Variants in HDAC9 observed in about 807,000 individuals in gnomAD.
HDAC9 encodes the protein MEF-2 interacting transcription repressor (MITR) protein.
HDAC9 carries 41 observed loss-of-function variants against 139.4 expected under a neutral mutation model. The ratio of observed to expected loss-of-function variants is 0.29; its 90% CI spans 0.23 to 0.38. The LOEUF (loss-of-function observed/expected upper bound fraction) is 0.38. HDAC9 is among the 10% of genes least tolerant of loss of function. HDAC9 has a pLI of 1.00. For missense variants in HDAC9, 1,147 were observed against 1,297.0 expected, an observed-to-expected ratio of 0.88 and a Z score of 1.78; for synonymous variants, 517 against 476.2, an observed-to-expected ratio of 1.09 and a Z score of -1.12.
chr7:18,732,359 C>G (rs1437956111), intron 13 of HDAC9, among the ~76,000 whole-genome samples: 1 of 151,952 alleles, frequency 6.6e-6, no homozygotes, highest in Non-Finnish European at 1.5e-5. Context: ...ACTTTTTACT[C>G]TATAAGCTTC....
chr7:18,360,185 C>G (rs1783664755), intron 1 of HDAC9, among the ~76,000 whole-genome samples: 1 of 152,192 alleles, frequency 6.6e-6, no homozygotes, highest in Non-Finnish European at 1.5e-5. Context: ...ACCTCTTATC[C>G]TATGTATATT....
intron 1 of HDAC9, among the ~76,000 whole-genome samples, chr7:18,321,171 T>G (rs1379151006): frequency 6.6e-6 from 1 of 152,110 alleles, no homozygotes; most frequent in Non-Finnish European, 1.5e-5. Context: ...CTGGCTTGAG[T>G]CCACCTAGTG....
At chr7:18,191,702 AT>A (rs1298832522) in intron 2 of HDAC9, among the ~76,000 whole-genome samples, 1 of 152,152 alleles carries the variant, frequency 6.6e-6, no homozygotes, top group African/African-American at 2.4e-5. Flanking sequence ...AATGAATTTA[AT>A]TTTTTTGACA....
chr7:18,404,662 A>C (rs2128737848), intron 1 of HDAC9, among the ~76,000 whole-genome samples: 1 of 152,340 alleles, frequency 6.6e-6, no homozygotes, highest in African/African-American at 2.4e-5. Flanking sequence ...AGGTCTTGGA[A>C]ACTGCAACTT....
At chr7:18,296,125 A>G (rs1310653919) in intron 1 of HDAC9, among the ~76,000 whole-genome samples, 1 of 152,184 alleles carries the variant, frequency 6.6e-6, no homozygotes, top group African/African-American at 2.4e-5. Flanking sequence ...ACGTGAATAA[A>G]TAAAAGTATT....
chr7:18,143,350 G>A (rs1362701502), intron 1 of HDAC9, among the ~76,000 whole-genome samples: 4 of 152,214 alleles, frequency 2.6e-5, no homozygotes, highest in East Asian at 3.9e-4. Context: ...AGCTCTATGC[G>A]TATGATGCTT....
chr7:18,624,265 G>A (rs931024738), intron 6 of HDAC9, among the ~76,000 whole-genome samples: 1 of 152,058 alleles, frequency 6.6e-6, no homozygotes, highest in African/African-American at 2.4e-5. Flanking sequence ...ATGAAGATTT[G>A]AAATACCTTT....
chr7:18,666,564 A>G (rs1442681512), intron 12 of HDAC9, 88 bp downstream of exon 12: 1 of 1,524,170 alleles, frequency 6.6e-7, no homozygotes, highest in African/African-American at 1.4e-5. Context: ...AATGGATATG[A>G]TTTCCTATCA....
intron 2 of HDAC9, among the ~76,000 whole-genome samples, chr7:18,548,401 A>C (rs766333132): frequency 1.3e-5 from 2 of 152,234 alleles, no homozygotes; most frequent in African/African-American, 2.4e-5. Flanking sequence ...TGCTGCTGGA[A>C]AAATGACACT....
chr7:18,443,130 A>C (rs556834534), intron 1 of HDAC9, among the ~76,000 whole-genome samples: 6 of 152,328 alleles, frequency 3.9e-5, no homozygotes, highest in Admixed American at 2.6e-4. Context: ...AGTAATCATA[A>C]ACTAGCCAGG....
chr7:18,158,088 T>G (rs188329923), intron 1 of HDAC9, among the ~76,000 whole-genome samples: 2 of 152,300 alleles, frequency 1.3e-5, no homozygotes, highest in East Asian at 3.9e-4. Flanking sequence ...TATATCAGAT[T>G]TAAATAGACA....
At chr7:18,484,072 C>T (rs1227885506) in intron 1 of HDAC9, among the ~76,000 whole-genome samples, 3 of 150,368 alleles carry the variant, frequency 2.0e-5, no homozygotes, top group Admixed American at 1.3e-4. Context: ...TGGGGCTGGG[C>T]ATGGTGGCCA....
intron 2 of HDAC9, among the ~76,000 whole-genome samples, chr7:18,497,659 A>T (rs1225464007): frequency 6.6e-6 from 1 of 152,122 alleles, no homozygotes; most frequent in East Asian, 1.9e-4. Context: ...GGGCTCCGGG[A>T]GGGTTTAACA....
intron 24 of HDAC9, among the ~76,000 whole-genome samples, chr7:18,961,721 C>T (rs1290468308): frequency 1.3e-5 from 2 of 152,160 alleles, no homozygotes; most frequent in Admixed American, 6.5e-5. Flanking sequence ...CTTCTCTACC[C>T]TGTAAAGTAG....
rs111880644 is a variant in HDAC9 at position 18,683,604 on chromosome 7, T to C, written c.1731+17128T>C. On this transcript the variant is annotated intron_variant, in intron 12 of 25. Transcript: ENST00000686413. The stretch of plus-strand genomic sequence containing the variant: ...TTGAGGAACAGCTTCCGCTGATAAT[T>C]GTAATAGTTTATTTTTTGTTTGTTT... Among the ~76,000 whole-genome samples, 605 of 152,250 alleles carry C rather than the reference T, an allele frequency of 4.0e-3. 3 individuals carry two copies. The highest frequency in any genetic ancestry group is 5.7e-3 in the Non-Finnish European group (390 of 67,994).
intron 1 of HDAC9, among the ~76,000 whole-genome samples, chr7:18,139,994 C>A (rs1365514646): frequency 6.6e-6 from 1 of 152,120 alleles, no homozygotes; most frequent in East Asian, 1.9e-4. Flanking sequence ...TTCTGTTGTT[C>A]TGTGGCACAA....
chr7:18,344,997 T>C (rs1782291306), intron 1 of HDAC9, among the ~76,000 whole-genome samples: 1 of 152,038 alleles, frequency 6.6e-6, no homozygotes. Flanking sequence ...TGGATGATCT[T>C]GGGCTCTCTA....
chr7:18,359,836 T>G (rs1437706917), intron 1 of HDAC9, among the ~76,000 whole-genome samples: 1 of 152,220 alleles, frequency 6.6e-6, no homozygotes, highest in African/African-American at 2.4e-5. Context: ...CTTGAACTCC[T>G]GACCTCAGGT....
rs1166057918 is a variant in HDAC9 at position 18,738,959 on chromosome 7, CT to C, written c.1910-10041del. On this transcript the variant is annotated intron_variant, in intron 13 of 25. Coordinates refer to ENST00000686413, the MANE Select transcript of HDAC9 (RefSeq NM_178425.4). Reference sequence around the variant, plus strand: ...TATTTCTTGCAGGCTTTGTTCATTTCTTTTTACTCTTTTTTCTCTAACCTTG... The same window carrying C: ...TATTTCTTGCAGGCTTTGTTCATTTCTTTTACTCTTTTTTCTCTAACCTTG... Among the ~76,000 whole-genome samples the C allele has an allele frequency of 2.0e-5, 3 of 152,244 alleles. No homozygotes were observed. In the East Asian group the frequency reaches 5.8e-4, roughly 29 times the overall value.
Sources: allele counts gnomAD v4.1 joint callset (sites outside exome capture counted in the v4.1 genomes callset), GRCh38; gene constraint gnomAD v4.1.1; transcripts MANE v1.5; gene names NCBI Gene and HGNC (gene_info 2026-07-23, HGNC 2026-07-21).